ASTN2: variants seen among roughly 807,000 people sequenced by gnomAD.
ASTN2 encodes astrotactin 2.
ASTN2 carries 54 observed loss-of-function variants against 139.8 expected under a neutral mutation model. That is an observed-to-expected ratio of 0.39 (90% CI 0.31 to 0.48). The LOEUF (loss-of-function observed/expected upper bound fraction) is 0.48. ASTN2 is among the 20% of genes least tolerant of loss of function. ASTN2 has a pLI of 0.95. For missense variants in ASTN2, 1,565 were observed against 1,725.1 expected (o/e 0.91, Z 1.64); for synonymous variants, 756 against 719.5 (o/e 1.05, Z -0.81).
intron 13 of ASTN2, among the ~76,000 whole-genome samples, chr9:116,789,034 G>A (rs1231669139): frequency 6.6e-6 from 1 of 152,086 alleles, no homozygotes; most frequent in Non-Finnish European, 1.5e-5. Flanking sequence ...GCTGCAAAAT[G>A]CCTATATGGT....
At chr9:116,649,755 A>G (rs948227622) in intron 17 of ASTN2, among the ~76,000 whole-genome samples, 5 of 148,508 alleles carry the variant, frequency 3.4e-5, no homozygotes, top group African/African-American at 1.2e-4. Context: ...TTTTTTACAG[A>G]GGCCTCCTTC....
At chr9:116,999,984 A>G (rs970303366) in intron 7 of ASTN2, among the ~76,000 whole-genome samples, 4 of 152,206 alleles carry the variant, frequency 2.6e-5, no homozygotes, top group African/African-American at 9.6e-5. Context: ...TGGTTAGCAG[A>G]GATGATATCA....
chr9:116,949,627 G>A (rs962158777), intron 10 of ASTN2, among the ~76,000 whole-genome samples: 1 of 152,148 alleles, frequency 6.6e-6, no homozygotes, highest in Non-Finnish European at 1.5e-5. Flanking sequence ...AGGGGTACAA[G>A]GTCAAATTGT....
At chr9:116,494,979 A>G (rs1849625236) in intron 19 of ASTN2, among the ~76,000 whole-genome samples, 1 of 152,180 alleles carries the variant, frequency 6.6e-6, no homozygotes, top group Non-Finnish European at 1.5e-5. Context: ...CAGTGGTTGA[A>G]GCCTGGATCT....
At chr9:116,780,060 T>C (rs1213955662) in intron 13 of ASTN2, among the ~76,000 whole-genome samples, 5 of 152,214 alleles carry the variant, frequency 3.3e-5, no homozygotes, top group African/African-American at 7.2e-5. Context: ...CATTCATTCA[T>C]TGAACAACTA....
chr9:116,896,621 G>A (rs914439852), intron 10 of ASTN2, among the ~76,000 whole-genome samples: 9 of 152,232 alleles, frequency 5.9e-5, no homozygotes, highest in African/African-American at 1.9e-4. Flanking sequence ...GCCCCTCCTA[G>A]ACTGGGTAAT....
chr9:116,507,844 C>T (rs531956059), intron 19 of ASTN2, among the ~76,000 whole-genome samples: 20 of 152,266 alleles, frequency 1.3e-4, no homozygotes, highest in South Asian at 4.1e-4. Flanking sequence ...CATTAGCTTA[C>T]GTACTTGGGC....
At position 116,455,040 on chromosome 9, in the gene ASTN2, TAA is replaced by T. The variant is rs75035433; in HGVS notation, c.3498-12489_3498-12488del. On this transcript the variant is annotated intron_variant, in intron 20 of 22. Transcript: ENST00000313400. ...TACCCTAGAAATTAAAGTATAATAATAAAAAAAAAAAAGGTTTATGGTAGGAG... is the reference window on the plus strand; with the variant it reads ...TACCCTAGAAATTAAAGTATAATAATAAAAAAAAAAGGTTTATGGTAGGAG... Among the ~76,000 whole-genome samples, 1,973 of 137,410 alleles carry T rather than the reference TAA, an allele frequency of 0.014. 183 individuals are homozygous for T. In the South Asian group the frequency reaches 0.22, roughly 16 times the overall value. The allele number at this position is 137,410 out of a possible 152,430, so 90.1% of individuals were successfully genotyped here.
intron 19 of ASTN2, chr9:116,585,458 T>C (rs1321058068): frequency 6.6e-6 from 1 of 152,126 alleles, no homozygotes. Context: ...TTATGACTGA[T>C]ACAAAAATGG....
intron 10 of ASTN2, among the ~76,000 whole-genome samples, chr9:116,938,794 T>C (rs1173555316): frequency 1.3e-5 from 2 of 152,216 alleles, no homozygotes; most frequent in African/African-American, 4.8e-5. Context: ...CAAAAGAGAA[T>C]TGATTATCTT....
At chr9:116,596,056 A>G (rs1405349212) in intron 19 of ASTN2, among the ~76,000 whole-genome samples, 1 of 152,216 alleles carries the variant, frequency 6.6e-6, no homozygotes, top group African/African-American at 2.4e-5. Flanking sequence ...AAATGGATGA[A>G]GAAAACATGG....
At chr9:116,779,642 T>C (rs1301682964) in intron 13 of ASTN2, among the ~76,000 whole-genome samples, 2 of 152,142 alleles carry the variant, frequency 1.3e-5, no homozygotes, top group South Asian at 4.1e-4. Context: ...TTTCTTAAGG[T>C]TCCTCAAACT....
intron 10 of ASTN2, among the ~76,000 whole-genome samples, chr9:116,890,132 G>T (rs1041630287): frequency 6.6e-6 from 1 of 152,184 alleles, no homozygotes; most frequent in Non-Finnish European, 1.5e-5. Flanking sequence ...ACCAGGCAGG[G>T]GGAGCGAGAA....
intron 20 of ASTN2, among the ~76,000 whole-genome samples, chr9:116,486,686 T>A (rs112662464): frequency 6.6e-6 from 1 of 152,192 alleles, no homozygotes; most frequent in Non-Finnish European, 1.5e-5. Context: ...CTTATGATGG[T>A]TGCATCTAGA....
intron 11 of ASTN2, among the ~76,000 whole-genome samples, chr9:116,837,914 CT>C (rs1308314785): frequency 6.6e-6 from 1 of 152,108 alleles, no homozygotes; most frequent in Non-Finnish European, 1.5e-5. Flanking sequence ...TAGAACCAGC[CT>C]TTTACTGGCT....
At chr9:117,153,281 G>A (rs1480857952) in intron 3 of ASTN2, among the ~76,000 whole-genome samples, 1 of 151,996 alleles carries the variant, frequency 6.6e-6, no homozygotes, top group Non-Finnish European at 1.5e-5. Context: ...CTGCAGCATG[G>A]AGCAGAGTCA....
chr9:116,995,201 G>T (rs1836981461), intron 7 of ASTN2, among the ~76,000 whole-genome samples: 2 of 152,120 alleles, frequency 1.3e-5, no homozygotes, highest in Admixed American at 1.3e-4. Flanking sequence ...GGAATCAGTG[G>T]TCTTCTTCAT....
Position 116,502,113 on chromosome 9 carries a change from G to T in ASTN2, c.3356-14613C>A, listed in dbSNP as rs186146141. Among the ~76,000 whole-genome samples, 11 of 152,104 alleles carry T rather than the reference G, an allele frequency of 7.2e-5. No homozygotes were observed. The East Asian group carries it at 2.1e-3, about 30-fold the overall frequency. Reference sequence around the variant, plus strand: ...TCATTGAGAAGGAGGTGGGACCTGGGAGGTGGCAGAGAGAGGTAGATTTCC... The same window carrying T: ...TCATTGAGAAGGAGGTGGGACCTGGTAGGTGGCAGAGAGAGGTAGATTTCC... On this transcript the variant is annotated intron_variant, in intron 19 of 22. Coordinates refer to ENST00000313400, the MANE Select transcript of ASTN2 (RefSeq NM_001365068.1).
intron 13 of ASTN2, among the ~76,000 whole-genome samples, chr9:116,802,684 A>G (rs1830894998): frequency 1.3e-5 from 2 of 152,238 alleles, no homozygotes; most frequent in Non-Finnish European, 2.9e-5. Flanking sequence ...GAAACTCCAT[A>G]AAACATACAA....
Sources: gnomAD v4.1 joint callset for allele counts (sites outside exome capture counted in the v4.1 genomes callset) on GRCh38, gnomAD v4.1.1 for gene constraint, MANE v1.5 for transcripts, NCBI Gene and HGNC (gene_info 2026-07-23, HGNC 2026-07-21) for gene names.